The following FAM107B variants were observed in gnomAD, a reference collection of about 807,000 sequenced individuals.
FAM107B encodes the protein protein FAM107B.
Under a neutral mutation model 31.5 loss-of-function variants are expected in FAM107B, and 21 were observed. The observed-to-expected ratio is 0.67, with a 90% CI of 0.47 to 0.96. The LOEUF is 0.96. FAM107B is among the 40% of genes least tolerant of loss of function. The pLI, the probability that FAM107B is intolerant of heterozygous loss-of-function variation, is 0.00. For synonymous variants in FAM107B, 157 were observed against 141.5 expected (o/e 1.11, Z -0.78); for missense variants, 452 against 377.1 (o/e 1.20, Z -1.64).
chr10:14,558,903 A>G (rs4750529), intron 2 of FAM107B, among the ~76,000 whole-genome samples: 43,157 of 151,992 alleles, frequency 0.28, 6,401 homozygotes, highest in Middle Eastern at 0.34. Context: ...AGAAAAAAAA[A>G]CTAATAATAA....
At chr10:14,709,818 T>A (rs1190688535) in intron 1 of FAM107B, among the ~76,000 whole-genome samples, 6 of 152,128 alleles carry the variant, frequency 3.9e-5, no homozygotes, top group Non-Finnish European at 7.4e-5. Flanking sequence ...AATAAGCCAA[T>A]CTGAAAAGAC....
At chr10:14,655,297 A>C (rs569192527) in intron 2 of FAM107B, among the ~76,000 whole-genome samples, 1 of 152,220 alleles carries the variant, frequency 6.6e-6, no homozygotes, top group African/African-American at 2.4e-5. Context: ...TGAGATTTGG[A>C]GGGGACAAAT....
rs55845510 is a variant in FAM107B, at chr10:14,684,827, C to CTTT, written c.412-17139_412-17137dup. The stretch of plus-strand genomic sequence containing the variant: ...ACTTCTTCAGTGACTTTTTGTTTTT[C>CTTT]TTTTTTTTTTTGAGACAAAACCTCA... On this transcript the variant is annotated intron_variant, in intron 1 of 4. Coordinates refer to ENST00000181796, the MANE Select transcript of FAM107B (RefSeq NM_031453.4). Among the ~76,000 whole-genome samples, 19 of 147,650 alleles carry CTTT rather than the reference C, an allele frequency of 1.3e-4. No homozygotes were observed. In the East Asian group the frequency reaches 1.4e-3, roughly 11 times the overall value.
rs114640951 is a variant in FAM107B, at chr10:14,608,784, G to A, written c.469+58850C>T. Among the ~76,000 whole-genome samples the A allele has an allele frequency of 4.9e-3, 745 of 152,326 alleles. 7 individuals carry two copies. The highest frequency in any genetic ancestry group is 0.017 in the African/African-American group (721 of 41,562). On this transcript the variant is annotated intron_variant, in intron 2 of 4. Transcript: ENST00000181796. ...AGCCCAAATCCAAGATTTGGAGAAA[G>A]AGACCCCCCTTGATGGTAGAAGCAG...
At chr10:14,652,194 C>T (rs927728817) in intron 2 of FAM107B, among the ~76,000 whole-genome samples, 24 of 152,162 alleles carry the variant, frequency 1.6e-4, no homozygotes, top group African/African-American at 4.1e-4. Flanking sequence ...TATACTTCAT[C>T]TCAATCAAAG....
chr10:14,736,435 AGCCAAACTGTTTGG>A (rs1856301304), intron 1 of FAM107B, among the ~76,000 whole-genome samples: 1 of 152,206 alleles, frequency 6.6e-6, no homozygotes, highest in African/African-American at 2.4e-5. Context: ...CTAAGGGACA[AGCCAAACTGTTTGG>A]GATGGCTTTC....
intron 2 of FAM107B, among the ~76,000 whole-genome samples, chr10:14,558,911 T>A (rs1849955416): frequency 6.6e-6 from 1 of 151,966 alleles, no homozygotes; most frequent in Admixed American, 6.6e-5. Context: ...AAACTAATAA[T>A]AAATTTCAAC....
chr10:14,570,327 A>G (rs1588617587), intron 2 of FAM107B, among the ~76,000 whole-genome samples: 1 of 151,998 alleles, frequency 6.6e-6, no homozygotes. Flanking sequence ...ACCAAGGCCC[A>G]GCAGGGCAGG....
At chr10:14,716,333 C>A (rs1855778680) in intron 1 of FAM107B, among the ~76,000 whole-genome samples, 1 of 152,200 alleles carries the variant, frequency 6.6e-6, no homozygotes, top group Admixed American at 6.5e-5. Context: ...TTGCGGGATC[C>A]ATTTCTAAGA....
chr10:14,664,146 T>G (rs904637532), intron 2 of FAM107B, among the ~76,000 whole-genome samples: 1 of 152,210 alleles, frequency 6.6e-6, no homozygotes, highest in Non-Finnish European at 1.5e-5. Context: ...TTTCAGCACA[T>G]GCTGTATTCT....
intron 2 of FAM107B, among the ~76,000 whole-genome samples, chr10:14,574,216 C>A (rs998753567): frequency 6.6e-6 from 1 of 152,104 alleles, no homozygotes; most frequent in Non-Finnish European, 1.5e-5. Flanking sequence ...GGCATCCTGA[C>A]ACAGTTATTC....
chr10:14,580,490 T>TA (rs1564584742), intron 2 of FAM107B, among the ~76,000 whole-genome samples: 2 of 151,478 alleles, frequency 1.3e-5, no homozygotes, highest in African/African-American at 4.9e-5. Context: ...GGACCAAAAA[T>TA]AAAAAGGTAC....
chr10:14,731,616 T>C (rs1442873529), intron 1 of FAM107B, among the ~76,000 whole-genome samples: 1 of 152,168 alleles, frequency 6.6e-6, no homozygotes, highest in East Asian at 1.9e-4. Flanking sequence ...AATCTCTCAA[T>C]GCATGCACAG....
At chr10:14,553,324 A>G in intron 2 of FAM107B, 1 of 1,267,472 alleles carries the variant, frequency 7.9e-7, no homozygotes, top group East Asian at 5.7e-5. Context: ...ACACTTACTA[A>G]AATACTTTGT....
At chr10:14,559,282 C>T (rs753077718) in intron 2 of FAM107B, among the ~76,000 whole-genome samples, 15 of 152,152 alleles carry the variant, frequency 9.9e-5, no homozygotes, top group Non-Finnish European at 1.8e-4. Flanking sequence ...TCTTCTCCCC[C>T]ACCTCCAGGA....
At chr10:14,586,053 A>G (rs1851818456) in intron 2 of FAM107B, among the ~76,000 whole-genome samples, 2 of 152,200 alleles carry the variant, frequency 1.3e-5, no homozygotes, top group African/African-American at 4.8e-5. Flanking sequence ...CAGCTCCTGC[A>G]TAAACAGGAA....
At chr10:14,676,785 T>G (rs1854692995) in intron 1 of FAM107B, among the ~76,000 whole-genome samples, 1 of 152,262 alleles carries the variant, frequency 6.6e-6, no homozygotes, top group Non-Finnish European at 1.5e-5. Context: ...GAGTTAGTAA[T>G]TCACCCTGTC....
intron 1 of FAM107B, among the ~76,000 whole-genome samples, chr10:14,762,258 C>G (rs1331719958): frequency 2.6e-5 from 4 of 152,194 alleles, no homozygotes; most frequent in African/African-American, 9.7e-5. Context: ...GCACTATCTT[C>G]CTTATTTTCC....
In FAM107B at chr10:14,774,375, T is replaced by C. The variant is rs1188426809; in HGVS notation, c.289A>G (p.Thr97Ala). ...GGCGTCTCCGCGGGCTGGGCCGCAG[T>C]GCGGTGACTTGAATTCCGATTCGCA... ...GSANRNSSHR[T>A]AAQPAETPED... The change falls in exon 1 of 5, where the codon ACT (threonine) becomes GCT (alanine). Residue 97 changes from threonine to alanine, a missense_variant. Thr to Ala is a moderately conservative substitution (Grantham distance 58, BLOSUM62 0). Transcript: ENST00000181796. The C allele has an allele frequency of 1.9e-6, 3 of 1,614,188 alleles. No homozygotes were observed. Among genetic ancestry groups the C allele is most frequent in the South Asian group, 1.1e-5 (1 of 91,070 alleles).
Sources: allele counts gnomAD v4.1 joint callset (sites outside exome capture counted in the v4.1 genomes callset), GRCh38; gene constraint gnomAD v4.1.1; transcripts MANE v1.5; gene names NCBI Gene and HGNC (gene_info 2026-07-23, HGNC 2026-07-21).